PSMB2: variants seen among roughly 807,000 people sequenced by gnomAD.
PSMB2 encodes the protein proteasome subunit beta type-2.
A neutral mutation model predicts 25.7 loss-of-function variants in PSMB2; 13 were observed. That is an observed-to-expected ratio of 0.51 (90% confidence interval 0.33 to 0.80). The LOEUF is 0.80. Ranked by LOEUF, PSMB2 falls within the 30% of genes least tolerant of loss-of-function variation. The probability of loss-of-function intolerance (pLI) is 0.02; values close to 1 mark genes in which losing one functional copy is unlikely to be tolerated. For missense variants in PSMB2, 202 were observed against 259.0 expected, an observed-to-expected ratio of 0.78 and a Z score of 1.51; for synonymous variants, 87 against 96.2, an observed-to-expected ratio of 0.90 and a Z score of 0.56.
rs1366776816 is a variant in PSMB2 at position 35,599,613 on chromosome 1, A to G, written c.*3654T>C. On this transcript the variant is annotated 3_prime_UTR_variant, in exon 6 of 6. Transcript: ENST00000373237. Reference sequence around the variant, plus strand: ...TGGGGAGTTAGGTTCGGAGAGGATTATGGAATGCCTAGCATGTCAAATCAA... The same window carrying G: ...TGGGGAGTTAGGTTCGGAGAGGATTGTGGAATGCCTAGCATGTCAAATCAA... 4.1e-6 allele frequency: 4 copies of G among 984,540 alleles called. No homozygotes were observed. The East Asian group carries it at 3.4e-4, about 84-fold the overall frequency. The allele number at this position is 984,540 out of a possible 1,614,324, so 61.0% of individuals were successfully genotyped here.
At chr1:35,634,873 G>A (rs917144634) in intron 2 of PSMB2, among the ~76,000 whole-genome samples, 4 of 151,194 alleles carry the variant, frequency 2.6e-5, no homozygotes, top group African/African-American at 9.7e-5. Context: ...CTGCAGCCTC[G>A]ACCTCCTGGG....
intron 3 of PSMB2, among the ~76,000 whole-genome samples, chr1:35,631,012 G>GA (rs34050788): frequency 5.3e-5 from 8 of 150,580 alleles, no homozygotes; most frequent in African/African-American, 7.3e-5. Context: ...TTTTTAGGGG[G>GA]AAAAAAAAAG....
intron 1 of PSMB2, among the ~76,000 whole-genome samples, chr1:35,638,899 A>ATTTT (rs1651317535): frequency 6.6e-6 from 1 of 152,148 alleles, no homozygotes; most frequent in Non-Finnish European, 1.5e-5. Context: ...GAAGGTTACT[A>ATTTT]TTTTTTCAGC....
chr1:35,638,594 T>A (rs559428534), intron 1 of PSMB2, among the ~76,000 whole-genome samples: 24 of 152,220 alleles, frequency 1.6e-4, no homozygotes, highest in Non-Finnish European at 3.4e-4. Flanking sequence ...TCCAATATTA[T>A]GATACTCAGT....
intron 3 of PSMB2, among the ~76,000 whole-genome samples, chr1:35,630,131 C>T (rs530254437): frequency 1.3e-5 from 2 of 152,242 alleles, no homozygotes; most frequent in East Asian, 1.9e-4. Flanking sequence ...GCCAAGATTG[C>T]ACCATTGCAC....
intron 3 of PSMB2, among the ~76,000 whole-genome samples, chr1:35,627,610 C>CT (rs752163737): frequency 5.3e-4 from 81 of 152,270 alleles, no homozygotes; most frequent in Non-Finnish European, 1.0e-3. Context: ...GGTCATACCA[C>CT]TGCACTCCAG....
In PSMB2 at chr1:35,603,265, T is replaced by C; in HGVS notation, c.*2A>G. ...CTGGCAAGTGGGAGGGAGGACATGA[T>C]GTTAGGAGCCCTGTTTGGGGAAGGA... On this transcript the variant is annotated 3_prime_UTR_variant, in exon 6 of 6. Coordinates refer to ENST00000373237, the MANE Select transcript of PSMB2 (RefSeq NM_002794.5). 4 of 1,613,832 alleles carry C rather than the reference T, an allele frequency of 2.5e-6. No individual in the cohort carries two copies. The highest frequency in any genetic ancestry group is 3.4e-6 in the Non-Finnish European group (4 of 1,179,908).
chr1:35,629,528 G>C (rs1651026960), intron 3 of PSMB2, among the ~76,000 whole-genome samples: 1 of 152,236 alleles, frequency 6.6e-6, no homozygotes, highest in Non-Finnish European at 1.5e-5. Context: ...AAGTACGCCA[G>C]GTACAGTGAG....
At chr1:35,641,053 G>A (rs1403530282) in intron 1 of PSMB2, among the ~76,000 whole-genome samples, 3 of 152,100 alleles carry the variant, frequency 2.0e-5, no homozygotes, top group Admixed American at 6.5e-5. Flanking sequence ...TTAGCCAGGC[G>A]TGGTGGCGCA....
chr1:35,624,289 T>TC (rs1467584766), intron 3 of PSMB2, among the ~76,000 whole-genome samples: 1 of 152,218 alleles, frequency 6.6e-6, no homozygotes, highest in African/African-American at 2.4e-5. Flanking sequence ...GCTTGCTTTC[T>TC]CCCAAGGTTT....
chr1:35,601,712 A>T lies in PSMB2; in HGVS notation c.*1555T>A. 1 of 985,460 alleles carries T rather than the reference A, an allele frequency of 1.0e-6. No individual in the cohort carries two copies. The highest frequency in any genetic ancestry group is 1.2e-6 in the Non-Finnish European group (1 of 829,936). 61.0% of individuals were successfully genotyped at this position (985,460 alleles called of 1,614,324 possible). ...TTAAGAGGAGCACAGAATTGGATAA[A>T]GTAGGGTTTATCTTAGTCGGAGACC... On this transcript the variant is annotated 3_prime_UTR_variant, in exon 6 of 6. Coordinates refer to ENST00000373237, the MANE Select transcript of PSMB2 (RefSeq NM_002794.5).
intron 3 of PSMB2, among the ~76,000 whole-genome samples, chr1:35,622,191 C>T (rs1650709604): frequency 6.6e-6 from 1 of 152,044 alleles, no homozygotes; most frequent in Non-Finnish European, 1.5e-5. Flanking sequence ...TTGTTGAGAT[C>T]AGCCCCTAAA....
Position 35,605,226 on chromosome 1 carries a change from T to G in PSMB2, c.498+7A>C, listed in dbSNP as rs1433737575. 4 of 1,609,182 alleles carry G rather than the reference T, an allele frequency of 2.5e-6. No individual in the cohort carries two copies. Among genetic ancestry groups the G allele is most frequent in the Non-Finnish European group, 3.4e-6 (4 of 1,177,048 alleles). Reference sequence around the variant, plus strand: ...ATTCCTTTCAGGATCCTATGGGAACTACTCACCTCCTCCAGACATTTCCTA... The same window carrying G: ...ATTCCTTTCAGGATCCTATGGGAACGACTCACCTCCTCCAGACATTTCCTA... On this transcript the variant is annotated splice_region_variant and intron_variant, in intron 5 of 5. Transcript: ENST00000373237.
chr1:35,601,874 C>T lies in PSMB2; in HGVS notation c.*1393G>A. ...AACCACAAAACATCCACATTGTTCC[C>T]TAAAGTTATGCTAAGAGTAAAACGA... On this transcript the variant is annotated 3_prime_UTR_variant, in exon 6 of 6. Transcript: ENST00000373237. The T allele has an allele frequency of 1.0e-6, 1 of 985,388 alleles. No individual in the cohort carries two copies. Among genetic ancestry groups the T allele is most frequent in the Non-Finnish European group, 1.2e-6 (1 of 829,926 alleles). 61.0% of individuals were successfully genotyped at this position (985,388 alleles called of 1,614,324 possible).
intron 4 of PSMB2, among the ~76,000 whole-genome samples, chr1:35,608,593 T>C (rs1185154578): frequency 6.6e-6 from 1 of 152,196 alleles, no homozygotes; most frequent in Non-Finnish European, 1.5e-5. Context: ...TCTATGAATA[T>C]ATGTACAATT....
chr1:35,604,316 C>T (rs1055776869), intron 5 of PSMB2, among the ~76,000 whole-genome samples: 6 of 152,136 alleles, frequency 3.9e-5, no homozygotes, highest in East Asian at 1.9e-4. Context: ...ATCCTGTCCT[C>T]GCAAGCCAAA....
At chr1:35,628,828 T>C (rs1371447452) in intron 3 of PSMB2, among the ~76,000 whole-genome samples, 2 of 151,130 alleles carry the variant, frequency 1.3e-5, no homozygotes, top group Non-Finnish European at 2.9e-5. Context: ...CAGTCAAAGA[T>C]TATTAGGCAC....
intron 3 of PSMB2, among the ~76,000 whole-genome samples, chr1:35,616,330 C>A (rs570807423): frequency 6.6e-6 from 1 of 152,338 alleles, no homozygotes; most frequent in Admixed American, 6.5e-5. Context: ...ATTTTGCATA[C>A]TAGCATCTAC....
chr1:35,617,000 T>C (rs776675769), intron 3 of PSMB2, among the ~76,000 whole-genome samples: 19 of 152,192 alleles, frequency 1.2e-4, no homozygotes, highest in East Asian at 1.9e-4. Flanking sequence ...TATGGTTCTA[T>C]GGATGGGGAA....
Sources: allele counts gnomAD v4.1 joint callset (sites outside exome capture counted in the v4.1 genomes callset), GRCh38; gene constraint gnomAD v4.1.1; transcripts MANE v1.5; gene names NCBI Gene and HGNC (gene_info 2026-07-23, HGNC 2026-07-21).